Variants in SNTG1 observed in about 807,000 individuals in gnomAD.
SNTG1 encodes syntrophin gamma 1.
In SNTG1, 39 loss-of-function variants were observed where a neutral mutation model predicts 74.7. The observed-to-expected ratio is 0.52, with a 90% CI of 0.40 to 0.68. The LOEUF is 0.68. Among genes scored for constraint, SNTG1 ranks in the 30% least tolerant of loss-of-function variants. SNTG1 has a pLI of 0.00. For synonymous variants in SNTG1, 254 were observed against 217.1 expected, an observed-to-expected ratio of 1.17 and a Z score of -1.49; for missense variants, 685 against 609.5, an observed-to-expected ratio of 1.12 and a Z score of -1.30.
Position 50,726,640 on chromosome 8 carries a change from G to A in SNTG1, c.1284+17662G>A, listed in dbSNP as rs2095500856. Among the ~76,000 whole-genome samples, 4 of 152,170 alleles carry A rather than the reference G, an allele frequency of 2.6e-5. No individual in the cohort carries two copies. In the South Asian group the frequency reaches 6.2e-4, roughly 24 times the overall value. The stretch of plus-strand genomic sequence containing the variant: ...CGAGGCAGGTGGATCACAAGGTCAG[G>A]AGATCGAGACCAGCCTGGCTAACAC... On this transcript the variant is annotated intron_variant, in intron 17 of 18. Transcript: ENST00000642720.
At chr8:50,446,844 C>T (rs1407257414) in intron 5 of SNTG1, among the ~76,000 whole-genome samples, 1 of 152,128 alleles carries the variant, frequency 6.6e-6, no homozygotes, top group Non-Finnish European at 1.5e-5. Context: ...GAGATGCATT[C>T]CAAGACCCCA....
chr8:50,632,525 G>T (rs2095008120), intron 13 of SNTG1, among the ~76,000 whole-genome samples: 1 of 152,008 alleles, frequency 6.6e-6, no homozygotes, highest in East Asian at 1.9e-4. Context: ...GGCCAGGCTG[G>T]CCTGGAACTC....
chr8:50,312,476 A>G (rs1362947492), intron 2 of SNTG1, among the ~76,000 whole-genome samples: 1 of 150,814 alleles, frequency 6.6e-6, no homozygotes, highest in Non-Finnish European at 1.5e-5. Flanking sequence ...ATGTAAGGTG[A>G]GTAACAGAGT....
At chr8:50,102,032 T>C (rs2131237742) in intron 1 of SNTG1, among the ~76,000 whole-genome samples, 1 of 152,246 alleles carries the variant, frequency 6.6e-6, no homozygotes, top group East Asian at 1.9e-4. Context: ...TGTGCATGTG[T>C]CTTTATAGCA....
chr8:50,261,805 A>G (rs1371464387), intron 2 of SNTG1, among the ~76,000 whole-genome samples: 1 of 152,192 alleles, frequency 6.6e-6, no homozygotes, highest in Non-Finnish European at 1.5e-5. Flanking sequence ...GAAAGAAAAC[A>G]GAATCACATA....
Position 50,631,667 on chromosome 8 carries a change from C to A in SNTG1, c.850-25242C>A, listed in dbSNP as rs75513281. Among the ~76,000 whole-genome samples, 1,215 of 152,288 alleles carry A rather than the reference C, an allele frequency of 8.0e-3. 15 individuals are homozygous for A. Among genetic ancestry groups the A allele is most frequent in the African/African-American group, 0.028 (1,167 of 41,558 alleles). Reference sequence around the variant, plus strand: ...CCATTGATAGGACAACTGTTGTATTCTGCTTCCTTTATTACTTCTTTAAGT... The same window carrying A: ...CCATTGATAGGACAACTGTTGTATTATGCTTCCTTTATTACTTCTTTAAGT... On this transcript the variant is annotated intron_variant, in intron 13 of 18. Coordinates refer to ENST00000642720, the MANE Select transcript of SNTG1 (RefSeq NM_018967.5).
chr8:50,609,295 G>A (rs973487372), intron 13 of SNTG1, among the ~76,000 whole-genome samples: 11 of 151,992 alleles, frequency 7.2e-5, no homozygotes, highest in African/African-American at 2.7e-4. Flanking sequence ...TGCTTCTGAA[G>A]GATAGTTTTA....
intron 13 of SNTG1, among the ~76,000 whole-genome samples, chr8:50,595,210 A>G (rs932032430): frequency 2.0e-5 from 3 of 152,116 alleles, no homozygotes; most frequent in African/African-American, 7.2e-5. Context: ...AGAGTCACAC[A>G]ATCTGAAGAT....
Position 50,752,090 on chromosome 8 carries a change from T to C in SNTG1, c.1374T>C (p.Asp458=). 6.4e-7 allele frequency: 1 copy of C among 1,558,190 alleles called. No homozygotes were observed. The highest frequency in any genetic ancestry group is 8.6e-7 in the Non-Finnish European group (1 of 1,157,146). ...SKIKFLFQNP[D]TKQIEAKELE... is the part of the protein sequence containing the mutation. ...TCAAATTTTTGTTTCAGAATCCAGA[T>C]ACTAAACAGATTGAAGCAAAGGTAA... Residue 458 remains aspartate (D), a synonymous_variant, in exon 18 of 19, where the codon GAT becomes GAC. Coordinates refer to ENST00000642720, the MANE Select transcript of SNTG1 (RefSeq NM_018967.5).
chr8:50,516,990 T>A (rs2094138804), intron 9 of SNTG1, among the ~76,000 whole-genome samples: 1 of 152,032 alleles, frequency 6.6e-6, no homozygotes, highest in Non-Finnish European at 1.5e-5. Flanking sequence ...AGACACATAG[T>A]CATCAGATTC....
intron 8 of SNTG1, among the ~76,000 whole-genome samples, chr8:50,493,431 T>C (rs916580266): frequency 6.6e-6 from 1 of 152,148 alleles, no homozygotes; most frequent in Non-Finnish European, 1.5e-5. Context: ...TAATACTGTA[T>C]TTAGGTTCTT....
chr8:50,778,842 A>T (rs2095649369), intron 18 of SNTG1, among the ~76,000 whole-genome samples: 1 of 151,968 alleles, frequency 6.6e-6, no homozygotes, highest in Non-Finnish European at 1.5e-5. Flanking sequence ...TTCAGGTCTA[A>T]CATTTAAGTC....
chr8:50,524,214 C>A (rs1272962012), intron 9 of SNTG1, among the ~76,000 whole-genome samples: 1 of 151,982 alleles, frequency 6.6e-6, no homozygotes, highest in Non-Finnish European at 1.5e-5. Flanking sequence ...ATAACTTAAT[C>A]ACAGTACACA....
intron 2 of SNTG1, among the ~76,000 whole-genome samples, chr8:50,230,892 G>A (rs2085587667): frequency 1.3e-5 from 2 of 150,244 alleles, no homozygotes; most frequent in South Asian, 4.2e-4. Flanking sequence ...AGCAAAAATA[G>A]ATAAGTAATG....
intron 2 of SNTG1, among the ~76,000 whole-genome samples, chr8:50,350,002 C>T (rs1043633108): frequency 6.6e-6 from 1 of 152,202 alleles, no homozygotes; most frequent in Admixed American, 6.5e-5. Flanking sequence ...TTGGCGGCCC[C>T]ACACTCAGAG....
chr8:50,524,834 G>A (rs564762632), intron 9 of SNTG1, among the ~76,000 whole-genome samples: 2 of 152,020 alleles, frequency 1.3e-5, no homozygotes, highest in African/African-American at 4.8e-5. Flanking sequence ...AGGGTGTCCT[G>A]GAATCAATCT....
chr8:50,216,006 CAG>C (rs1324254207), intron 2 of SNTG1, among the ~76,000 whole-genome samples: 1 of 152,032 alleles, frequency 6.6e-6, no homozygotes, highest in Non-Finnish European at 1.5e-5. Flanking sequence ...TACAGAAAGC[CAG>C]AGAGTGTCTA....
chr8:50,757,243 G>A (rs954454905), intron 18 of SNTG1, among the ~76,000 whole-genome samples: 1 of 151,776 alleles, frequency 6.6e-6, no homozygotes. Flanking sequence ...TTGATTTGAT[G>A]TAATACATTA....
chr8:50,178,226 G>A (rs1190891930), intron 2 of SNTG1, among the ~76,000 whole-genome samples: 1 of 152,164 alleles, frequency 6.6e-6, no homozygotes, highest in Non-Finnish European at 1.5e-5. Context: ...AAGCTCTGTA[G>A]GGAATTGCAA....
Sources: allele counts gnomAD v4.1 joint callset (sites outside exome capture counted in the v4.1 genomes callset), GRCh38; gene constraint gnomAD v4.1.1; transcripts MANE v1.5; gene names NCBI Gene and HGNC (gene_info 2026-07-23, HGNC 2026-07-21).